Variants in ROR1 observed in about 807,000 individuals in gnomAD.
ROR1 encodes ROR family WNT receptor 1, also known as inactive tyrosine-protein kinase transmembrane receptor ROR1.
In ROR1, 19 loss-of-function variants were observed where a neutral mutation model predicts 78.8. The ratio of observed to expected loss-of-function variants is 0.24; its 90% CI spans 0.17 to 0.35. The LOEUF (loss-of-function observed/expected upper bound fraction) is 0.35. Among genes scored for constraint, ROR1 ranks in the 10% least tolerant of loss-of-function variants. The probability of loss-of-function intolerance (pLI) is 1.00; values close to 1 mark genes in which losing one functional copy is unlikely to be tolerated. For synonymous variants in ROR1, 386 were observed against 433.6 expected, an observed-to-expected ratio of 0.89 and a Z score of 1.36; for missense variants, 917 against 1,177.8, an observed-to-expected ratio of 0.78 and a Z score of 3.24.
At chr1:63,976,267 C>A (rs1646160398) in intron 1 of ROR1, among the ~76,000 whole-genome samples, 1 of 152,148 alleles carries the variant, frequency 6.6e-6, no homozygotes, top group African/African-American at 2.4e-5. Flanking sequence ...AAAGGCCGAC[C>A]TGAGGAAGCA....
intron 1 of ROR1, among the ~76,000 whole-genome samples, chr1:63,942,936 T>C (rs184056958): frequency 9.6e-4 from 146 of 151,470 alleles, no homozygotes; most frequent in Non-Finnish European, 1.8e-3. Flanking sequence ...CAAAAAATAA[T>C]AAAATTAGCC....
chr1:63,806,547 G>T (rs1467305066), intron 1 of ROR1, among the ~76,000 whole-genome samples: 1 of 152,178 alleles, frequency 6.6e-6, no homozygotes, highest in Admixed American at 6.5e-5. Context: ...TCGATCTCCT[G>T]ACCTTGTGAT....
chr1:64,161,910 A>G (rs1043946609), intron 8 of ROR1, among the ~76,000 whole-genome samples: 1 of 152,210 alleles, frequency 6.6e-6, no homozygotes, highest in African/African-American at 2.4e-5. Context: ...CTTTCCTGGA[A>G]AAAGCACAAA....
At chr1:63,952,367 A>G (rs1327559789) in intron 1 of ROR1, among the ~76,000 whole-genome samples, 1 of 152,214 alleles carries the variant, frequency 6.6e-6, no homozygotes, top group Non-Finnish European at 1.5e-5. Flanking sequence ...TTTGGATTTC[A>G]TTCTATGAGC....
At chr1:63,843,515 G>A (rs942968332) in intron 1 of ROR1, 11 of 753,974 alleles carry the variant, frequency 1.5e-5, no homozygotes, top group Admixed American at 8.9e-5. Flanking sequence ...GGCTCACATC[G>A]CCCACCAGGA....
At chr1:63,888,668 C>T (rs540973229) in intron 1 of ROR1, among the ~76,000 whole-genome samples, 91 of 151,794 alleles carry the variant, frequency 6.0e-4, no homozygotes, top group African/African-American at 2.2e-3. Flanking sequence ...GTTTCTTTCC[C>T]ACAGAAAAGC....
At chr1:63,936,164 A>G (rs1431781941) in intron 1 of ROR1, among the ~76,000 whole-genome samples, 2 of 152,212 alleles carry the variant, frequency 1.3e-5, no homozygotes, top group Non-Finnish European at 2.9e-5. Context: ...ATGAGTTGCT[A>G]TGAAGAACTC....
chr1:64,102,801 A>G (rs1647612950), intron 4 of ROR1, among the ~76,000 whole-genome samples: 1 of 152,160 alleles, frequency 6.6e-6, no homozygotes, highest in African/African-American at 2.4e-5. Flanking sequence ...GAACCTGGAT[A>G]ATAATTCCTT....
At chr1:63,877,283 G>T (rs998963503) in intron 1 of ROR1, among the ~76,000 whole-genome samples, 1 of 152,118 alleles carries the variant, frequency 6.6e-6, no homozygotes, top group Non-Finnish European at 1.5e-5. Context: ...TAAAAAGTTA[G>T]GCTTCGGAGC....
chr1:63,802,346 C>A (rs995073413), intron 1 of ROR1, among the ~76,000 whole-genome samples: 3 of 151,992 alleles, frequency 2.0e-5, no homozygotes, highest in Non-Finnish European at 2.9e-5. Context: ...GAGAGCCCTG[C>A]CCGATCTAGT....
At chr1:63,966,223 A>G (rs1646074479) in intron 1 of ROR1, among the ~76,000 whole-genome samples, 2 of 152,160 alleles carry the variant, frequency 1.3e-5, no homozygotes, top group South Asian at 4.2e-4. Context: ...GCAATTGGAG[A>G]TGCCGCTCTC....
At chr1:63,800,907 T>A (rs991838442) in intron 1 of ROR1, among the ~76,000 whole-genome samples, 31 of 152,136 alleles carry the variant, frequency 2.0e-4, no homozygotes, top group South Asian at 4.1e-4. Context: ...TTAATTAACC[T>A]TTTTAATCTC....
At chr1:64,016,733 T>TATATA (rs1553151713) in intron 2 of ROR1, among the ~76,000 whole-genome samples, 2,707 of 140,588 alleles carry the variant, frequency 0.019, 104 homozygotes, top group African/African-American at 0.068. Context: ...TAAAATATAA[T>TATATA]TATATATATA....
At chr1:63,967,908 GA>G (rs1422916884) in intron 1 of ROR1, among the ~76,000 whole-genome samples, 6 of 152,164 alleles carry the variant, frequency 3.9e-5, no homozygotes, top group Admixed American at 3.9e-4. Flanking sequence ...ATGTGAGGAT[GA>G]AGTATAGTTT....
At chr1:64,159,323 C>T (rs962730152) in intron 8 of ROR1, 131 bp downstream of exon 8, 2 of 721,120 alleles carry the variant, frequency 2.8e-6, no homozygotes, top group Non-Finnish European at 4.7e-6. Context: ...TTCATTTTAA[C>T]CAAATGCAAA....
intron 1 of ROR1, among the ~76,000 whole-genome samples, chr1:63,943,760 T>C (rs1366959535): frequency 6.6e-6 from 1 of 152,206 alleles, no homozygotes; most frequent in East Asian, 1.9e-4. Flanking sequence ...TATTGTTCTT[T>C]TCCCATTAAA....
chr1:63,884,520 C>T (rs1033486795), intron 1 of ROR1, among the ~76,000 whole-genome samples: 3 of 152,216 alleles, frequency 2.0e-5, no homozygotes, highest in African/African-American at 4.8e-5. Context: ...TGCTCAAGGT[C>T]ACGCAGCTAG....
intron 1 of ROR1, among the ~76,000 whole-genome samples, chr1:63,999,561 C>T (rs1646366510): frequency 7.1e-6 from 1 of 140,048 alleles, no homozygotes. Flanking sequence ...GTTTGCTTCT[C>T]TGTGTTCCTA....
chr1:63,880,703 G>A (rs1169409771), intron 1 of ROR1, among the ~76,000 whole-genome samples: 2 of 152,170 alleles, frequency 1.3e-5, no homozygotes, highest in African/African-American at 4.8e-5. Context: ...TTTCTAAGCA[G>A]TTGAATCAAG....
Sources: allele counts gnomAD v4.1 joint callset (sites outside exome capture counted in the v4.1 genomes callset), GRCh38; gene constraint gnomAD v4.1.1; transcripts MANE v1.5; gene names NCBI Gene and HGNC (gene_info 2026-07-23, HGNC 2026-07-21).